Variants in SLC44A5 observed in about 807,000 individuals in gnomAD.
The protein encoded by SLC44A5 is choline transporter-like protein 5.
A neutral mutation model predicts 101.8 loss-of-function variants in SLC44A5; 57 were observed. The observed-to-expected ratio is 0.56, with a 90% confidence interval of 0.45 to 0.70. SLC44A5 has a LOEUF of 0.70. Among genes scored for constraint, SLC44A5 ranks in the 30% least tolerant of loss-of-function variants. SLC44A5 has a pLI of 0.00. For missense variants in SLC44A5, 737 were observed against 853.1 expected (o/e 0.86, Z 1.70); for synonymous variants, 281 against 290.9 (o/e 0.97, Z 0.35).
At chr1:75,714,788 C>T in the SLC44A5 span, among the ~76,000 whole-genome samples, 2 of 149,704 alleles carry the variant, frequency 1.3e-5, no homozygotes, top group Non-Finnish European at 3.0e-5. Flanking sequence ...GCAATTCTGC[C>T]TCAGCCTCCT....
chr1:75,318,399 GAAAGAAAGA>G (rs1655873223), intron 4 of SLC44A5, among the ~76,000 whole-genome samples: 2 of 148,560 alleles, frequency 1.3e-5, no homozygotes, highest in African/African-American at 5.0e-5. Context: ...AAGAAAGAAA[GAAAGAAAGA>G]AAGAAAGAAA....
At chr1:75,326,097 T>TCC (rs1182593703) in intron 4 of SLC44A5, among the ~76,000 whole-genome samples, 1 of 34,790 alleles carries the variant, frequency 2.9e-5, no homozygotes, top group African/African-American at 2.8e-4. Flanking sequence ...TCTCTCTCCG[T>TCC]GTGTGTGTGT....
rs191224908 is a variant in SLC44A5 at position 75,524,609 on chromosome 1, G to A, written c.13+16826C>T. Among the ~76,000 whole-genome samples the A allele has an allele frequency of 5.8e-3, 877 of 152,208 alleles. 4 individuals carry two copies. The highest frequency in any genetic ancestry group is 0.02 in the African/African-American group (840 of 41,520). On this transcript the variant is annotated intron_variant, in intron 2 of 23. Coordinates refer to ENST00000370859, the MANE Select transcript of SLC44A5 (RefSeq NM_001130058.2). ...TTTTCAGGATAATGGTCATATATCA[G>A]GATTTCTCTGGGCAAACAAGGTTAT...
intron 1 of SLC44A5, among the ~76,000 whole-genome samples, chr1:75,576,378 G>T (rs913413273): frequency 6.6e-6 from 1 of 151,342 alleles, no homozygotes; most frequent in Non-Finnish European, 1.5e-5. Context: ...GCAATGGCGC[G>T]ATCTCCACTC....
intron 1 of SLC44A5, among the ~76,000 whole-genome samples, chr1:75,571,440 A>G (rs1272494897): frequency 1.3e-5 from 2 of 152,198 alleles, no homozygotes; most frequent in African/African-American, 4.8e-5. Flanking sequence ...CTGACTTTCA[A>G]TAGGTCAACT....
intron 5 of SLC44A5, among the ~76,000 whole-genome samples, chr1:75,279,710 C>CT (rs1466550632): frequency 1.3e-5 from 2 of 151,744 alleles, no homozygotes; most frequent in African/African-American, 4.8e-5. Flanking sequence ...AAACAGTTTC[C>CT]TTTTTTTACA....
intron 5 of SLC44A5, among the ~76,000 whole-genome samples, chr1:75,283,846 T>C (rs946816568): frequency 1.3e-5 from 2 of 152,192 alleles, no homozygotes; most frequent in Non-Finnish European, 2.9e-5. Flanking sequence ...TTCTGCCCCA[T>C]TGGGCTATGT....
chr1:75,689,989 A>T, the SLC44A5 span, among the ~76,000 whole-genome samples: 2 of 152,156 alleles, frequency 1.3e-5, no homozygotes, highest in Admixed American at 1.3e-4. Flanking sequence ...AGGCAGCTGG[A>T]GACTCCCATT....
At chr1:75,203,948 T>TTTTTG (rs1557515911) in intron 23 of SLC44A5, 115 bp from the exon 24 acceptor site, 4 of 1,304,762 alleles carry the variant, frequency 3.1e-6, no homozygotes, top group South Asian at 1.9e-5. Flanking sequence ...TTGTTTTTTT[T>TTTTTG]TTGTTGTTGT....
intron 23 of SLC44A5, chr1:75,204,771 AG>A (rs1482023815): frequency 6.6e-6 from 1 of 152,228 alleles, no homozygotes; most frequent in Non-Finnish European, 1.5e-5. Context: ...TACAGGCGTG[AG>A]ACACCACACA....
intron 1 of SLC44A5, among the ~76,000 whole-genome samples, chr1:75,605,300 T>C (rs943778547): frequency 3.9e-5 from 6 of 152,052 alleles, no homozygotes; most frequent in Admixed American, 6.6e-5. Context: ...GTTCTGAGTT[T>C]CTTCAGAGCC....
intron 3 of SLC44A5, among the ~76,000 whole-genome samples, chr1:75,362,041 A>C (rs1039630853): frequency 6.6e-5 from 10 of 151,946 alleles, no homozygotes; most frequent in African/African-American, 2.4e-4. Context: ...GTCTTGGTAG[A>C]TTGTATGTGT....
chr1:75,675,773 T>A, the SLC44A5 span, among the ~76,000 whole-genome samples: 4 of 152,130 alleles, frequency 2.6e-5, no homozygotes, highest in East Asian at 5.8e-4. Context: ...AGACAACCTA[T>A]AGAATGAGAG....
rs114561977 is a variant in SLC44A5 at position 75,488,171 on chromosome 1, A to G, written c.13+53264T>C. On this transcript the variant is annotated intron_variant, in intron 2 of 23. Coordinates refer to ENST00000370859, the MANE Select transcript of SLC44A5 (RefSeq NM_001130058.2). ...ATGAGTTCTATAATTATTTCATTAT[A>G]TGTTACAATGTAAAAATAGAAATGA... is the stretch of plus-strand genomic sequence containing the variant. 2.0e-3 allele frequency among the ~76,000 whole-genome samples: 303 copies of G among 152,314 alleles called. 1 individual carries two copies. Among genetic ancestry groups the G allele is most frequent in the African/African-American group, 6.7e-3 (278 of 41,568 alleles).
At chr1:75,224,045 G>T (rs953066763) in intron 13 of SLC44A5, among the ~76,000 whole-genome samples, 3 of 152,100 alleles carry the variant, frequency 2.0e-5, no homozygotes, top group Non-Finnish European at 4.4e-5. Flanking sequence ...AAATATAACT[G>T]TCTTTTGAAC....
chr1:75,545,654 C>A (rs1161207740), intron 1 of SLC44A5, among the ~76,000 whole-genome samples: 3 of 152,118 alleles, frequency 2.0e-5, no homozygotes, highest in East Asian at 3.9e-4. Flanking sequence ...TAATAAGTAA[C>A]CTCCAGGGAG....
chr1:75,447,201 A>G (rs1001588613), intron 2 of SLC44A5, among the ~76,000 whole-genome samples: 7 of 152,192 alleles, frequency 4.6e-5, no homozygotes, highest in Non-Finnish European at 1.0e-4. Flanking sequence ...ATGAATAAGT[A>G]TAAAGGAGTT....
intron 2 of SLC44A5, among the ~76,000 whole-genome samples, chr1:75,439,737 CA>C (rs1557784955): frequency 6.6e-6 from 1 of 151,988 alleles, no homozygotes; most frequent in African/African-American, 2.4e-5. Context: ...ATCCTCTATG[CA>C]AAGTCCAGAA....
intron 2 of SLC44A5, among the ~76,000 whole-genome samples, chr1:75,537,032 AAATAT>A (rs1557885241): frequency 7.6e-5 from 5 of 65,676 alleles, no homozygotes; most frequent in African/African-American, 1.1e-4. Context: ...AAAAAAAAAA[AAATAT>A]ATATCTATGC....
Sources: gnomAD v4.1 joint callset for allele counts (sites outside exome capture counted in the v4.1 genomes callset) on GRCh38, gnomAD v4.1.1 for gene constraint, MANE v1.5 for transcripts, NCBI Gene and HGNC (gene_info 2026-07-23, HGNC 2026-07-21) for gene names.